JAK1: variants seen among roughly 807,000 people sequenced by gnomAD.
JAK1 encodes the protein tyrosine-protein kinase JAK1.
JAK1 carries 16 observed loss-of-function variants against 136.6 expected under a neutral mutation model. The ratio of observed to expected loss-of-function variants is 0.12; its 90% CI spans 0.08 to 0.18. The LOEUF is 0.18. Ranked by LOEUF, JAK1 falls within the 10% of genes least tolerant of loss-of-function variation. The pLI, the probability that JAK1 is intolerant of heterozygous loss-of-function variation, is 1.00. For synonymous variants in JAK1, 492 were observed against 519.5 expected (o/e 0.95, Z 0.72); for missense variants, 859 against 1,450.1 (o/e 0.59, Z 6.62).
intron 8 of JAK1, among the ~76,000 whole-genome samples, chr1:64,862,874 A>G (rs1294339877): frequency 6.6e-6 from 1 of 152,204 alleles, no homozygotes; most frequent in African/African-American, 2.4e-5. Flanking sequence ...GCAAGATCCC[A>G]TGCCTCTTGA....
At chr1:64,845,764 G>A in intron 14 of JAK1, 124 bp from the exon 15 acceptor site, 1 of 1,167,404 alleles carries the variant, frequency 8.6e-7, no homozygotes, top group Non-Finnish European at 1.2e-6. Flanking sequence ...TATCCTTGGG[G>A]GGTGCAATGG....
chr1:64,961,600 T>C (rs894799190), intron 1 of JAK1, among the ~76,000 whole-genome samples: 1 of 152,108 alleles, frequency 6.6e-6, no homozygotes, highest in African/African-American at 2.4e-5. Flanking sequence ...CCAAGCAGTC[T>C]TTGCTCTAAT....
intron 1 of JAK1, among the ~76,000 whole-genome samples, chr1:65,045,947 T>C (rs1647179592): frequency 6.6e-6 from 1 of 152,192 alleles, no homozygotes; most frequent in South Asian, 2.1e-4. Flanking sequence ...AGTTAATCTC[T>C]TCTAATCTGT....
intron 1 of JAK1, among the ~76,000 whole-genome samples, chr1:64,965,930 C>CT (rs1646366396): frequency 6.6e-6 from 1 of 152,126 alleles, no homozygotes; most frequent in Non-Finnish European, 1.5e-5. Flanking sequence ...CGGGAGCTGG[C>CT]GGTCAAGTTC....
At chr1:64,910,082 T>A (rs1184468890) in intron 1 of JAK1, among the ~76,000 whole-genome samples, 1 of 152,250 alleles carries the variant, frequency 6.6e-6, no homozygotes, top group Non-Finnish European at 1.5e-5. Flanking sequence ...AACAATTTCA[T>A]GAAAATAATG....
chr1:64,892,621 C>A (rs749184321), intron 1 of JAK1, among the ~76,000 whole-genome samples: 29 of 152,226 alleles, frequency 1.9e-4, no homozygotes, highest in Non-Finnish European at 4.0e-4. Context: ...CCCAAAAATA[C>A]TTCTGAAGCA....
intron 1 of JAK1, among the ~76,000 whole-genome samples, chr1:64,946,283 C>CCACTGG (rs889218824): frequency 1.3e-5 from 2 of 152,142 alleles, no homozygotes; most frequent in African/African-American, 2.4e-5. Flanking sequence ...TGACCACCTA[C>CCACTGG]CACTGGCTAT....
intron 1 of JAK1, among the ~76,000 whole-genome samples, chr1:65,050,715 G>C (rs1158069475): frequency 2.0e-5 from 3 of 152,228 alleles, no homozygotes; most frequent in Non-Finnish European, 2.9e-5. Flanking sequence ...GACAGGGGAG[G>C]CAGTGTATGG....
chr1:64,844,333 A>C lies in JAK1; in HGVS notation c.2252-118T>G. On this transcript the variant is annotated intron_variant, in intron 16 of 24. Coordinates refer to ENST00000342505, the MANE Select transcript of JAK1 (RefSeq NM_002227.4). This position sits in a 1 kb window ranked among gnomAD's most constrained non-coding sequence, Gnocchi z 5.7. ...GGAACTACTTCAAGCAGTGTGCCCA[A>C]ACATGGCCCATGGCCACATAGGCCC... is the stretch of plus-strand genomic sequence containing the variant. 7.4e-7 allele frequency: 1 copy of C among 1,352,516 alleles called. No homozygotes were observed. Among genetic ancestry groups the C allele is most frequent in the Non-Finnish European group, 1.0e-6 (1 of 957,648 alleles). The allele number at this position is 1,352,516 out of a possible 1,614,324, so 83.8% of individuals were successfully genotyped here.
intron 2 of JAK1, chr1:64,974,808 G>C (rs1449958499): frequency 2.6e-5 from 4 of 152,280 alleles, no homozygotes; most frequent in African/African-American, 9.6e-5. Context: ...AGGCCAATCA[G>C]AGTCCTTGAG....
intron 2 of JAK1, among the ~76,000 whole-genome samples, chr1:65,027,198 CACCACACCTGGCTAATTT>C (rs1460499453): frequency 4.6e-5 from 7 of 151,532 alleles, no homozygotes; most frequent in East Asian, 2.0e-4. Flanking sequence ...AGGTGCACAC[CACCACACCTGGCTAATTT>C]ACCACACCTG....
intron 1 of JAK1, among the ~76,000 whole-genome samples, chr1:64,923,250 T>C (rs1645526333): frequency 6.6e-6 from 1 of 152,160 alleles, no homozygotes; most frequent in African/African-American, 2.4e-5. Flanking sequence ...GGATCACTAT[T>C]TGCTGGTCCT....
chr1:64,981,136 A>T (rs185209343), intron 2 of JAK1, among the ~76,000 whole-genome samples: 1 of 152,332 alleles, frequency 6.6e-6, no homozygotes, highest in Non-Finnish European at 1.5e-5. Context: ...CTTGTTACAC[A>T]GAGATAAGTG....
intron 6 of JAK1, among the ~76,000 whole-genome samples, chr1:64,869,063 T>C (rs140723249): frequency 6.6e-6 from 1 of 152,304 alleles, no homozygotes; most frequent in East Asian, 1.9e-4. Context: ...GGGCCACTAA[T>C]TTTATTGGCA....
intron 14 of JAK1, among the ~76,000 whole-genome samples, chr1:64,846,039 T>A (rs375801277): frequency 6.6e-6 from 1 of 152,308 alleles, no homozygotes; most frequent in East Asian, 1.9e-4. Flanking sequence ...AACTTCCCTC[T>A]CAACAGGACT....
chr1:64,968,847 G>A (rs1421092509), upstream of JAK1, among the ~76,000 whole-genome samples: 6 of 150,306 alleles, frequency 4.0e-5, no homozygotes, highest in Non-Finnish European at 5.9e-5. Flanking sequence ...CACAAGAATC[G>A]CTTGAAGCCG....
At chr1:65,037,788 G>GC (rs1647088518) in intron 2 of JAK1, among the ~76,000 whole-genome samples, 1 of 152,062 alleles carries the variant, frequency 6.6e-6, no homozygotes, top group Non-Finnish European at 1.5e-5. Flanking sequence ...CGCTCCTCTT[G>GC]CCAGGAGGTC....
chr1:64,912,531 C>T (rs1645301739), intron 1 of JAK1, among the ~76,000 whole-genome samples: 1 of 152,178 alleles, frequency 6.6e-6, no homozygotes, highest in South Asian at 2.1e-4. Flanking sequence ...TAGTAATGGT[C>T]ACGATCATAA....
intron 1 of JAK1, among the ~76,000 whole-genome samples, chr1:65,053,128 C>T (rs1476855014): frequency 1.3e-5 from 2 of 150,808 alleles, no homozygotes; most frequent in African/African-American, 4.9e-5. Context: ...GGCAGATCAC[C>T]TGAGGTCAGG....
Sources: allele counts gnomAD v4.1 joint callset (sites outside exome capture counted in the v4.1 genomes callset), GRCh38; gene constraint gnomAD v4.1.1; non-coding constraint Gnocchi (gnomAD v3.1); transcripts MANE v1.5; gene names NCBI Gene and HGNC (gene_info 2026-07-23, HGNC 2026-07-21).